The following SNX8 variants were observed in gnomAD, a reference collection of about 807,000 sequenced individuals.
The protein encoded by SNX8 is sorting nexin 8.
SNX8 carries 25 observed loss-of-function variants against 51.6 expected under a neutral mutation model. The observed-to-expected ratio is 0.48, with a 90% confidence interval of 0.35 to 0.68. SNX8 has a LOEUF of 0.68. Among genes scored for constraint, SNX8 ranks in the 30% least tolerant of loss-of-function variants. SNX8 has a pLI of 0.00. For missense variants in SNX8, 695 were observed against 624.0 expected (o/e 1.11, Z -1.21); for synonymous variants, 324 against 277.0 (o/e 1.17, Z -1.68).
At chr7:2,325,175 C>T (rs1019734854) in intron 1 of SNX8, among the ~76,000 whole-genome samples, 1 of 152,092 alleles carries the variant, frequency 6.6e-6, no homozygotes, top group African/African-American at 2.4e-5. Flanking sequence ...GAGTTTTGCT[C>T]TCTTGACTAG....
intron 5 of SNX8, among the ~76,000 whole-genome samples, chr7:2,268,032 TGCCC>T (rs1795519844): frequency 7.4e-6 from 1 of 134,932 alleles, no homozygotes; most frequent in African/African-American, 2.9e-5. Context: ...GGAGCGTCTC[TGCCC>T]GGCCAGCCAC....
chr7:2,310,583 C>T (rs560877364), intron 1 of SNX8, among the ~76,000 whole-genome samples: 2 of 152,172 alleles, frequency 1.3e-5, no homozygotes, highest in Non-Finnish European at 2.9e-5. Context: ...CTGGCTAACA[C>T]GGTGAAATGC....
chr7:2,285,818 C>T (rs1255790589), intron 1 of SNX8, among the ~76,000 whole-genome samples: 1 of 152,010 alleles, frequency 6.6e-6, no homozygotes, highest in East Asian at 1.9e-4. Context: ...AAATGTAGTA[C>T]ACGTGTGCAC....
Position 2,283,110 on chromosome 7 carries a change from G to C in SNX8, c.95-4805C>G, listed in dbSNP as rs1433999788. 3.3e-5 allele frequency among the ~76,000 whole-genome samples: 5 copies of C among 150,854 alleles called. No individual in the cohort carries two copies. The East Asian group carries it at 9.7e-4, about 29-fold the overall frequency. ...CACTCCAGCCTGGGCGACAAAACCA[G>C]ACTCCGTCTCAAAAAAAAAAAAAGA... On this transcript the variant is annotated intron_variant, in intron 1 of 10. Coordinates refer to ENST00000222990, the MANE Select transcript of SNX8 (RefSeq NM_013321.4).
intron 3 of SNX8, chr7:2,274,871 ACCTGT>A: frequency 1.9e-6 from 1 of 519,582 alleles, no homozygotes; most frequent in Non-Finnish European, 3.4e-6. Context: ...GGGCTTCCCC[ACCTGT>A]CAGTCATGCA....
At chr7:2,312,423 C>T (rs1490430404) in intron 1 of SNX8, among the ~76,000 whole-genome samples, 1 of 152,176 alleles carries the variant, frequency 6.6e-6, no homozygotes, top group East Asian at 1.9e-4. Flanking sequence ...AGTGACCCCT[C>T]GGAAAGGGTC....
chr7:2,262,203 A>AT (rs1343670716), intron 7 of SNX8, among the ~76,000 whole-genome samples: 4 of 151,854 alleles, frequency 2.6e-5, no homozygotes, highest in African/African-American at 9.7e-5. Flanking sequence ...ACCCCTGGCT[A>AT]ATTTTTTTTT....
chr7:2,274,377 C>T (rs1340662589), intron 3 of SNX8, among the ~76,000 whole-genome samples: 1 of 152,246 alleles, frequency 6.6e-6, no homozygotes, highest in Non-Finnish European at 1.5e-5. Flanking sequence ...GGGCTGGGAA[C>T]GGCAGAAAGC....
chr7:2,333,241 C>G (rs4721592), intron 1 of SNX8, among the ~76,000 whole-genome samples: 72,401 of 151,588 alleles, frequency 0.48, 17,592 homozygotes, highest in East Asian at 0.62. Flanking sequence ...ACCAGCCTGG[C>G]CAAGATAGTG....
At chr7:2,280,077 G>A (rs1205165736) in intron 1 of SNX8, among the ~76,000 whole-genome samples, 1 of 152,124 alleles carries the variant, frequency 6.6e-6, no homozygotes, top group African/African-American at 2.4e-5. Flanking sequence ...AGGAAAGAAA[G>A]AGAAAAAACT....
chr7:2,293,589 G>C (rs945015932), intron 1 of SNX8, among the ~76,000 whole-genome samples: 2 of 151,144 alleles, frequency 1.3e-5, no homozygotes, highest in African/African-American at 4.9e-5. Context: ...TTGAACCCAG[G>C]AGGTGATGGT....
chr7:2,294,340 C>A (rs983638614), intron 1 of SNX8, among the ~76,000 whole-genome samples: 2 of 152,076 alleles, frequency 1.3e-5, no homozygotes, highest in African/African-American at 4.8e-5. Context: ...ACCCCCACCA[C>A]AATGGCTATA....
At chr7:2,324,566 C>T (rs974154454) in intron 1 of SNX8, among the ~76,000 whole-genome samples, 1 of 151,872 alleles carries the variant, frequency 6.6e-6, no homozygotes, top group Non-Finnish European at 1.5e-5. Flanking sequence ...GCTAGGATTA[C>T]AAGAGTGAGC....
intron 1 of SNX8, among the ~76,000 whole-genome samples, chr7:2,323,956 C>A (rs1463088784): frequency 1.3e-5 from 2 of 151,850 alleles, no homozygotes; most frequent in East Asian, 1.9e-4. Context: ...CCCGTCTCTA[C>A]TAAAAATACA....
At position 2,254,490 on chromosome 7, in the gene SNX8, C is replaced by G. The variant is rs1030937022; in HGVS notation, c.*566G>C. ...CAGGGCATGAGGCCACTGGACCCCA[C>G]AGGCCACTCCCAGACCAGGGCTCCA... On this transcript the variant is annotated 3_prime_UTR_variant, in exon 11 of 11. Transcript: ENST00000222990. 1 of 165,114 alleles carries G rather than the reference C, an allele frequency of 6.1e-6. No individual in the cohort carries two copies. The highest frequency in any genetic ancestry group is 1.3e-5 in the Non-Finnish European group (1 of 75,198). 10.2% of individuals were successfully genotyped at this position (165,114 alleles called of 1,614,324 possible). A position where few individuals can be genotyped will look rare whatever the true frequency, so the allele number is the denominator to read the frequency against.
Position 2,278,599 on chromosome 7 carries a change from C to T in SNX8, c.95-294G>A, listed in dbSNP as rs192198274. Among the ~76,000 whole-genome samples, 634 of 149,274 alleles carry T rather than the reference C, an allele frequency of 4.2e-3. 4 individuals are homozygous for T. Among genetic ancestry groups the T allele is most frequent in the African/African-American group, 0.015 (617 of 41,040 alleles). On this transcript the variant is annotated intron_variant, in intron 1 of 10. Transcript: ENST00000222990. ...TCAGCCAGCCACACTCACTCACTCA[C>T]ACTACGGAGTCGACGCCGGACTCAC...
chr7:2,342,854 G>A (rs745842906), intron 1 of SNX8, among the ~76,000 whole-genome samples: 13 of 151,330 alleles, frequency 8.6e-5, no homozygotes, highest in South Asian at 2.1e-4. Context: ...ACGGAGTCTC[G>A]CTCTGTCGCC....
At chr7:2,258,708 GAGGCGGCCGCCCC>G (rs1398975959) in intron 7 of SNX8, among the ~76,000 whole-genome samples, 1 of 152,144 alleles carries the variant, frequency 6.6e-6, no homozygotes. Flanking sequence ...TCCAGGAAGA[GAGGCGGCCGCCCC>G]AGGCTGCACG....
intron 2 of SNX8, among the ~76,000 whole-genome samples, chr7:2,275,765 G>A (rs112287914): frequency 0.03 from 4,628 of 152,078 alleles, 67 homozygotes; most frequent in South Asian, 0.044. Flanking sequence ...TTGGGAGGCC[G>A]AGACAGGCGG....
Sources: allele counts gnomAD v4.1 joint callset (sites outside exome capture counted in the v4.1 genomes callset), GRCh38; gene constraint gnomAD v4.1.1; transcripts MANE v1.5; gene names NCBI Gene and HGNC (gene_info 2026-07-23, HGNC 2026-07-21).